Variants in ABCA13 observed in about 807,000 individuals in gnomAD.
ABCA13 encodes the protein ATP-binding cassette sub-family A member 13.
ABCA13 carries 476 observed loss-of-function variants against 478.7 expected under a neutral mutation model. The observed-to-expected ratio is 0.99, with a 90% confidence interval of 0.92 to 1.07. ABCA13 has a LOEUF of 1.07. ABCA13 is among the 50% of genes least tolerant of loss of function. The probability of loss-of-function intolerance (pLI) is 0.00; values close to 1 mark genes in which losing one functional copy is unlikely to be tolerated. For missense variants in ABCA13, 6,060 were observed against 5,910.6 expected (o/e 1.03, Z -0.83); for synonymous variants, 2,252 against 2,158.9 (o/e 1.04, Z -1.20).
chr7:48,278,512 GC>G lies in ABCA13; in HGVS notation c.7319del (p.Ala2440ValfsTer14). The part of the protein sequence containing the change: ...ILHSPNKDFY[A>X]LYPTLQEVIL... ...ACACTCTCCTAATAAGGACTTCTATGCTTTGTATCCTACCCTCCAAGAAGTT... is the reference window on the plus strand; with the variant it reads ...ACACTCTCCTAATAAGGACTTCTATGTTTGTATCCTACCCTCCAAGAAGTT... On this transcript the variant is annotated frameshift_variant, in exon 18 of 62. Transcript: ENST00000435803. LOFTEE classifies it high-confidence loss of function. 6.2e-7 allele frequency: 1 copy of G among 1,613,916 alleles called. No homozygotes were observed. The highest frequency in any genetic ancestry group is 8.5e-7 in the Non-Finnish European group (1 of 1,179,868).
intron 8 of ABCA13, among the ~76,000 whole-genome samples, chr7:48,235,068 G>A (rs986828382): frequency 1.4e-4 from 21 of 152,204 alleles, no homozygotes; most frequent in African/African-American, 4.8e-4. Context: ...AGTCTCAGGG[G>A]TTAGATGGTT....
chr7:48,615,058 T>A (rs1026405556), intron 58 of ABCA13, among the ~76,000 whole-genome samples: 15 of 150,990 alleles, frequency 9.9e-5, no homozygotes, highest in African/African-American at 2.9e-4. Context: ...AAAAAATAAA[T>A]AAATAAAAAA....
At position 48,278,153 on chromosome 7, in the gene ABCA13, T is replaced by A; in HGVS notation, c.6959T>A (p.Met2320Lys). ...ILKLDQFLTL[M>K]IQDRLMNIFS... ...AAACTGGATCAATTTCTTACCCTGA[T>A]GATACAAGACAGATTGATGAACATT... Residue 2320 changes from methionine (M) to lysine (K), a missense_variant, in exon 18 of 62, where the codon ATG becomes AAG. By Grantham distance (95) the Met-to-Lys change is moderately conservative (BLOSUM62 -1). Coordinates refer to ENST00000435803, the MANE Select transcript of ABCA13 (RefSeq NM_152701.5). The A allele has an allele frequency of 4.7e-6, 7 of 1,496,558 alleles. No homozygotes were observed. The highest frequency in any genetic ancestry group is 6.3e-6 in the Non-Finnish European group (7 of 1,118,358). The allele number at this position is 1,496,558 out of a possible 1,614,324, so 92.7% of individuals were successfully genotyped here. A position where few individuals can be genotyped will look rare whatever the true frequency, so the allele number is the denominator to read the frequency against.
chr7:48,286,486 CCCTTCCTTCCTTCCTT>C (rs60849653), intron 19 of ABCA13, among the ~76,000 whole-genome samples: 1 of 149,068 alleles, frequency 6.7e-6, no homozygotes, highest in African/African-American at 2.5e-5. Flanking sequence ...ACTGTTTTTT[CCCTTCCTTCCTTCCTT>C]CCTTCCTTCC....
chr7:48,552,817 T>C (rs1785455914), intron 55 of ABCA13, among the ~76,000 whole-genome samples: 1 of 151,668 alleles, frequency 6.6e-6, no homozygotes, highest in Non-Finnish European at 1.5e-5. Context: ...ACTTATCCTT[T>C]TTGTTATAAC....
At chr7:48,320,988 C>T (rs1803366307) in intron 27 of ABCA13, among the ~76,000 whole-genome samples, 1 of 152,164 alleles carries the variant, frequency 6.6e-6, no homozygotes, top group South Asian at 2.1e-4. Flanking sequence ...TCCTCCCCTA[C>T]AAGTGTTATT....
intron 5 of ABCA13, among the ~76,000 whole-genome samples, chr7:48,225,876 G>A (rs1173885129): frequency 6.6e-6 from 1 of 152,122 alleles, no homozygotes; most frequent in African/African-American, 2.4e-5. Context: ...CACTGAATTT[G>A]GCTGGGGATA....
chr7:48,317,201 A>G lies in ABCA13; in HGVS notation c.9904A>G (p.Asn3302Asp). The stretch of plus-strand genomic sequence containing the variant: ...TTATCAGGAAATTCTACAATTGCCA[A>G]ATGGTGCTTTGGTGTGGACCTTCCT... The part of the protein sequence containing the change: ...KLYQEILQLP[N>D]GALVWTFLKP... The change falls in exon 27 of 62, where the codon AAT becomes GAT. Residue 3302 changes from asparagine (N) to aspartate (D), a missense_variant. Asn to Asp is a conservative substitution (Grantham distance 23). This residue lies in a region of ABCA13 where 4,423 missense variants were observed against 4,309.1 expected (regional missense o/e 1.03). Coordinates refer to ENST00000435803, the MANE Select transcript of ABCA13 (RefSeq NM_152701.5). 6.2e-7 allele frequency: 1 copy of G among 1,613,456 alleles called. No individual in the cohort carries two copies. Among genetic ancestry groups the G allele is most frequent in the Non-Finnish European group, 8.5e-7 (1 of 1,179,754 alleles).
intron 27 of ABCA13, among the ~76,000 whole-genome samples, chr7:48,329,832 T>C (rs1261235204): frequency 6.6e-6 from 1 of 152,030 alleles, no homozygotes; most frequent in Non-Finnish European, 1.5e-5. Flanking sequence ...TATTCATTCA[T>C]CCATCTATCC....
chr7:48,578,334 CA>C (rs1247862026), intron 55 of ABCA13, among the ~76,000 whole-genome samples: 2 of 151,886 alleles, frequency 1.3e-5, no homozygotes, highest in African/African-American at 4.8e-5. Context: ...AAAGAATTGT[CA>C]AAAAAATACT....
chr7:48,187,370 T>C (rs1216534929), intron 1 of ABCA13, among the ~76,000 whole-genome samples: 1 of 151,720 alleles, frequency 6.6e-6, no homozygotes, highest in Non-Finnish European at 1.5e-5. Context: ...TACAGCTTAT[T>C]TTATTTTTCT....
intron 6 of ABCA13, among the ~76,000 whole-genome samples, 168 bp downstream of exon 6, chr7:48,227,593 T>G (rs1788420100): frequency 6.6e-6 from 1 of 152,238 alleles, no homozygotes; most frequent in Non-Finnish European, 1.5e-5. Context: ...CTCATCTGTC[T>G]GTGTACATAT....
chr7:48,323,413 T>C (rs984078305), intron 27 of ABCA13, among the ~76,000 whole-genome samples: 2 of 152,248 alleles, frequency 1.3e-5, no homozygotes, highest in Non-Finnish European at 2.9e-5. Flanking sequence ...GAGTAGACTG[T>C]ATGCCAAGCC....
Position 48,455,290 on chromosome 7 carries a change from A to C in ABCA13, c.12815+4A>C, listed in dbSNP as rs1218911507. The C allele has an allele frequency of 6.3e-7, 1 of 1,596,940 alleles. No homozygotes were observed. Among genetic ancestry groups the C allele is most frequent in the Non-Finnish European group, 8.5e-7 (1 of 1,170,050 alleles). On this transcript the variant is annotated splice_donor_region_variant and intron_variant, in intron 43 of 61. Coordinates refer to ENST00000435803, the MANE Select transcript of ABCA13 (RefSeq NM_152701.5). Reference sequence around the variant, plus strand: ...GGGCCGAGACCTACTTTTTCAGGTAAGTTGTTTTTGTTCCTTTGATTTCGA... The same window carrying C: ...GGGCCGAGACCTACTTTTTCAGGTACGTTGTTTTTGTTCCTTTGATTTCGA...
intron 1 of ABCA13, among the ~76,000 whole-genome samples, chr7:48,182,974 G>A (rs1159589990): frequency 6.6e-6 from 1 of 152,176 alleles, no homozygotes; most frequent in African/African-American, 2.4e-5. Context: ...CCCCTCTTTT[G>A]AGAGGTTGGC....
chr7:48,523,322 T>C (rs1418402481), intron 53 of ABCA13, among the ~76,000 whole-genome samples: 1 of 152,178 alleles, frequency 6.6e-6, no homozygotes, highest in Non-Finnish European at 1.5e-5. Flanking sequence ...AAAGAAAAGT[T>C]GCTGGGGATA....
chr7:48,268,249 C>T (rs909895883), intron 15 of ABCA13, among the ~76,000 whole-genome samples: 11 of 152,042 alleles, frequency 7.2e-5, no homozygotes, highest in Admixed American at 3.3e-4. Flanking sequence ...CTCCCCCTCC[C>T]GGGTTCAAAC....
chr7:48,554,867 G>T (rs976580375), intron 55 of ABCA13, among the ~76,000 whole-genome samples: 11 of 150,520 alleles, frequency 7.3e-5, no homozygotes, highest in African/African-American at 2.4e-4. Flanking sequence ...CTGGCTAGAA[G>T]TTCCAGTACT....
chr7:48,330,514 T>C (rs1425408479), intron 27 of ABCA13, among the ~76,000 whole-genome samples: 1 of 150,992 alleles, frequency 6.6e-6, no homozygotes, highest in Non-Finnish European at 1.5e-5. Context: ...CATCCATCCA[T>C]CCATCCATAT....
Sources: allele counts gnomAD v4.1 joint callset (sites outside exome capture counted in the v4.1 genomes callset), GRCh38; gene constraint gnomAD v4.1.1; regional missense constraint gnomAD v4.1.1; transcripts MANE v1.5; gene names NCBI Gene and HGNC (gene_info 2026-07-23, HGNC 2026-07-21).